MORF4L1: variants seen among roughly 807,000 people sequenced by gnomAD.
The protein encoded by MORF4L1 is mortality factor 4 like 1.
Under a neutral mutation model 52.9 loss-of-function variants are expected in MORF4L1, and 4 were observed. The ratio of observed to expected loss-of-function variants is 0.08; its 90% confidence interval spans 0.04 to 0.17. The LOEUF (loss-of-function observed/expected upper bound fraction) is 0.17. MORF4L1 is among the 10% of genes least tolerant of loss of function. MORF4L1 has a pLI of 1.00. For synonymous variants in MORF4L1, 123 were observed against 134.8 expected (o/e 0.91, Z 0.61); for missense variants, 214 against 390.4 (o/e 0.55, Z 3.81).
intron 7 of MORF4L1, 76 bp downstream of exon 7, chr15:78,891,648 T>C: frequency 8.4e-7 from 1 of 1,193,666 alleles, no homozygotes; most frequent in South Asian, 1.4e-5. Context: ...ATGGGAGCTT[T>C]GATTATCTAC....
At chr15:78,883,647 A>G (rs1313049948) in intron 3 of MORF4L1, among the ~76,000 whole-genome samples, 1 of 152,248 alleles carries the variant, frequency 6.6e-6, no homozygotes, top group Non-Finnish European at 1.5e-5. Flanking sequence ...AGCATCAAAT[A>G]TTAGAGATTT....
chr15:78,885,844 T>G (rs2056693612), intron 3 of MORF4L1, among the ~76,000 whole-genome samples: 1 of 152,242 alleles, frequency 6.6e-6, no homozygotes, highest in African/African-American at 2.4e-5. Context: ...AACATAAGAC[T>G]AATCACTTAG....
intron 5 of MORF4L1, 99 bp downstream of exon 5, chr15:78,887,448 T>C: frequency 4.9e-6 from 5 of 1,012,112 alleles, no homozygotes; most frequent in South Asian, 1.9e-5. Context: ...CTTTGGAACA[T>C]TGTTGGAACC....
chr15:78,895,740 C>T (rs1274799087), intron 11 of MORF4L1, among the ~76,000 whole-genome samples: 7 of 151,892 alleles, frequency 4.6e-5, no homozygotes, highest in Admixed American at 6.6e-5. Flanking sequence ...ATTTCTTGGG[C>T]GTGGTGTTGG....
chr15:78,889,121 A>T (rs557764469), intron 5 of MORF4L1, among the ~76,000 whole-genome samples: 1 of 152,370 alleles, frequency 6.6e-6, no homozygotes, highest in East Asian at 1.9e-4. Flanking sequence ...CACTACAAAA[A>T]TAATGGCTGA....
At chr15:78,887,392 A>G in intron 5 of MORF4L1, 43 bp downstream of exon 5, 1 of 1,511,300 alleles carries the variant, frequency 6.6e-7, no homozygotes. Context: ...ATATGTGAAG[A>G]TAATATTTTA....
chr15:78,892,049 C>T (rs1221091231), intron 7 of MORF4L1, among the ~76,000 whole-genome samples, 163 bp from the exon 8 acceptor site: 1 of 152,100 alleles, frequency 6.6e-6, no homozygotes, highest in South Asian at 2.1e-4. Context: ...AACAGCGAAC[C>T]GCGTATGGTC....
chr15:78,894,795 T>C (rs368731376), intron 10 of MORF4L1, 25 bp from the exon 11 acceptor site: 2 of 1,567,812 alleles, frequency 1.3e-6, no homozygotes, highest in South Asian at 1.1e-5. Context: ...GATGTAACTT[T>C]GGATAAATTC....
chr15:78,877,110 C>T (rs1248133631), intron 1 of MORF4L1, among the ~76,000 whole-genome samples: 1 of 116,214 alleles, frequency 8.6e-6, no homozygotes, highest in Non-Finnish European at 1.7e-5. Flanking sequence ...CCACGCCCGG[C>T]TGATTTTTTT....
intron 2 of MORF4L1, among the ~76,000 whole-genome samples, chr15:78,879,347 G>A (rs1011039148): frequency 7.9e-5 from 12 of 151,610 alleles, no homozygotes; most frequent in Middle Eastern, 3.2e-3. Context: ...TCAGCCTCCC[G>A]AGTAGCTGGG....
chr15:78,882,710 T>C (rs1468329369), intron 3 of MORF4L1, among the ~76,000 whole-genome samples: 1 of 151,990 alleles, frequency 6.6e-6, no homozygotes, highest in Non-Finnish European at 1.5e-5. Context: ...AAAGACCATA[T>C]AGGATATCAA....
intron 11 of MORF4L1, among the ~76,000 whole-genome samples, chr15:78,896,010 G>A (rs2056880847): frequency 6.6e-6 from 1 of 151,876 alleles, no homozygotes; most frequent in South Asian, 2.1e-4. Context: ...ATGGAGTCTT[G>A]CTCTGTCGCC....
Position 78,874,669 on chromosome 15 carries a change from C to T in MORF4L1, c.40+1612C>T, listed in dbSNP as rs1445614190. ...TCTCGAACTCCTGGGCTTGAGCGAT[C>T]CACCCGCCTCGGCCTCCCAAAGTTG... On this transcript the variant is annotated intron_variant, in intron 1 of 11. Transcript: ENST00000426013. Among the ~76,000 whole-genome samples, 3 of 144,798 alleles carry T rather than the reference C, an allele frequency of 2.1e-5. No homozygotes were observed. In the East Asian group the frequency reaches 6.2e-4, roughly 30 times the overall value. The allele number at this position is 144,798 out of a possible 152,430, so 95.0% of individuals were successfully genotyped here. A position where few individuals can be genotyped will look rare whatever the true frequency, so the allele number is the denominator to read the frequency against.
intron 5 of MORF4L1, among the ~76,000 whole-genome samples, chr15:78,888,970 T>C (rs2056753283): frequency 1.3e-5 from 2 of 152,208 alleles, no homozygotes; most frequent in South Asian, 4.1e-4. Flanking sequence ...GGCAGTAATT[T>C]TCTCTATATA....
At chr15:78,886,113 G>A in intron 3 of MORF4L1, 28 bp from the exon 4 acceptor site, 1 of 1,575,440 alleles carries the variant, frequency 6.3e-7, no homozygotes, top group Non-Finnish European at 8.7e-7. Flanking sequence ...GTATTTTTGA[G>A]TTAAATTTTA....
At chr15:78,896,531 A>AC (rs1013553467) in intron 11 of MORF4L1, among the ~76,000 whole-genome samples, 1 of 149,024 alleles carries the variant, frequency 6.7e-6, no homozygotes, top group Non-Finnish European at 1.5e-5. Context: ...CTGGTCTTGA[A>AC]CCCCAACCTC....
intron 8 of MORF4L1, chr15:78,892,573 C>T: frequency 6.3e-6 from 2 of 315,262 alleles, no homozygotes; most frequent in Non-Finnish European, 1.2e-5. Flanking sequence ...AGGGCAGGAA[C>T]TCGTTCTGAA....
At chr15:78,891,606 A>C (rs970040215) in intron 7 of MORF4L1, 34 bp downstream of exon 7, 7 of 1,509,228 alleles carry the variant, frequency 4.6e-6, no homozygotes, top group Non-Finnish European at 4.6e-6. Flanking sequence ...ATAGCATGTT[A>C]GGATTTTTAG....
At chr15:78,877,205 C>A (rs1480936462) in intron 1 of MORF4L1, among the ~76,000 whole-genome samples, 1 of 151,220 alleles carries the variant, frequency 6.6e-6, no homozygotes, top group Non-Finnish European at 1.5e-5. Context: ...ACTGCAACCT[C>A]CACCTCCCGG....
Sources: gnomAD v4.1 joint callset for allele counts (sites outside exome capture counted in the v4.1 genomes callset) on GRCh38, gnomAD v4.1.1 for gene constraint, MANE v1.5 for transcripts, NCBI Gene and HGNC (gene_info 2026-07-23, HGNC 2026-07-21) for gene names.